NUP107: variants seen among roughly 807,000 people sequenced by gnomAD.
NUP107 encodes the protein nucleoporin 107.
Under a neutral mutation model 141.0 loss-of-function variants are expected in NUP107, and 101 were observed. The ratio of observed to expected loss-of-function variants is 0.72; its 90% CI spans 0.61 to 0.84. The LOEUF (loss-of-function observed/expected upper bound fraction) is 0.84. NUP107 is among the 40% of genes least tolerant of loss of function. NUP107 has a pLI of 0.00. For missense variants in NUP107, 941 were observed against 1,102.7 expected (o/e 0.85, Z 2.08); for synonymous variants, 319 against 363.9 (o/e 0.88, Z 1.41).
rs1878499351 is a variant in NUP107, at chr12:68,745,663, T to A, written c.*3201T>A. 6.6e-6 allele frequency: 1 copy of A among 152,242 alleles called. No homozygotes were observed. The highest frequency in any genetic ancestry group is 1.5e-5 in the Non-Finnish European group (1 of 68,040). The allele number at this position is 152,242 out of a possible 1,614,324, so 9.4% of individuals were successfully genotyped here. ...GTTTACATTGTCAAGGGGACATCTT[T>A]AGAGAACACATTTTCTCACTGTTGA... is the stretch of plus-strand genomic sequence containing the variant. On this transcript the variant is annotated 3_prime_UTR_variant, in exon 28 of 28. Transcript: ENST00000229179.
intron 20 of NUP107, 87 bp downstream of exon 20, chr12:68,727,476 G>A: frequency 1.4e-6 from 1 of 712,348 alleles, no homozygotes; most frequent in Non-Finnish European, 2.4e-6. Flanking sequence ...ATTCTCAGTG[G>A]TAAGAAAGCA....
intron 8 of NUP107, 23 bp downstream of exon 8, chr12:68,702,807 C>A: frequency 3.0e-6 from 4 of 1,331,452 alleles, no homozygotes; most frequent in Non-Finnish European, 4.1e-6. Context: ...TTAATTTTTT[C>A]TTTTATAAAT....
intron 4 of NUP107, 63 bp downstream of exon 4, chr12:68,690,809 T>C: frequency 6.6e-7 from 1 of 1,525,834 alleles, no homozygotes; most frequent in East Asian, 2.3e-5. Context: ...ACATCTGTAA[T>C]CTCAGCACTC....
At position 68,743,487 on chromosome 12, in the gene NUP107, G is replaced by A. The variant is rs1878403679; in HGVS notation, c.*1025G>A. 1 of 152,186 alleles carries A rather than the reference G, an allele frequency of 6.6e-6. No individual in the cohort carries two copies. Among genetic ancestry groups the A allele is most frequent in the African/African-American group, 2.4e-5 (1 of 41,422 alleles). 9.4% of individuals were successfully genotyped at this position (152,186 alleles called of 1,614,324 possible). Reference sequence around the variant, plus strand: ...CTCTCAGGAAGTAGTATTGGTTTGGGGTTTGAGTAATGCACTGAATTTGCA... The same window carrying A: ...CTCTCAGGAAGTAGTATTGGTTTGGAGTTTGAGTAATGCACTGAATTTGCA... On this transcript the variant is annotated 3_prime_UTR_variant, in exon 28 of 28. Coordinates refer to ENST00000229179, the MANE Select transcript of NUP107 (RefSeq NM_020401.4).
rs529104689 is a variant in NUP107 at position 68,698,007 on chromosome 12, G to C, written c.552+1085G>C. Among the ~76,000 whole-genome samples the C allele has an allele frequency of 1.5e-4, 23 of 148,858 alleles. No individual in the cohort carries two copies. In the South Asian group the frequency reaches 4.9e-3, roughly 31 times the overall value. On this transcript the variant is annotated intron_variant, in intron 6 of 27. Coordinates refer to ENST00000229179, the MANE Select transcript of NUP107 (RefSeq NM_020401.4). ...TGAGCCACTGCACTCCAGCCCGGGC[G>C]ATAGAGTGAGACTCCATCTCAAAAA...
At chr12:68,700,103 C>G (rs1235115635) in intron 6 of NUP107, among the ~76,000 whole-genome samples, 1 of 151,968 alleles carries the variant, frequency 6.6e-6, no homozygotes, top group Non-Finnish European at 1.5e-5. Context: ...GGGGTTTCAC[C>G]ATGTTGGCCA....
intron 6 of NUP107, among the ~76,000 whole-genome samples, chr12:68,699,423 G>A (rs769522059): frequency 6.6e-6 from 1 of 152,118 alleles, no homozygotes; most frequent in Non-Finnish European, 1.5e-5. Context: ...TTTTTAGAAA[G>A]AGGAAAAGAC....
intron 3 of NUP107, chr12:68,690,348 T>A (rs1875724408): frequency 4.6e-6 from 2 of 436,730 alleles, no homozygotes; most frequent in East Asian, 9.0e-5. Flanking sequence ...GAAGAATCCG[T>A]TGACTGATTA....
intron 26 of NUP107, among the ~76,000 whole-genome samples, chr12:68,741,560 T>C (rs545624591): frequency 1.3e-5 from 2 of 152,312 alleles, no homozygotes; most frequent in African/African-American, 4.8e-5. Context: ...TCTAATGATA[T>C]TCAGTTTCCA....
intron 4 of NUP107, 41 bp from the exon 5 acceptor site, chr12:68,691,927 C>T (rs1301747143): frequency 1.3e-6 from 2 of 1,517,578 alleles, no homozygotes; most frequent in African/African-American, 1.4e-5. Context: ...ACAATAACTC[C>T]ATCACTTTTC....
intron 11 of NUP107, among the ~76,000 whole-genome samples, chr12:68,715,310 G>A (rs1213712384): frequency 6.6e-6 from 1 of 152,068 alleles, no homozygotes; most frequent in Non-Finnish European, 1.5e-5. Context: ...TCTGGTCAAC[G>A]TGGTGAAACC....
At chr12:68,713,888 C>A in intron 11 of NUP107, 80 bp downstream of exon 11, 3 of 1,078,372 alleles carry the variant, frequency 2.8e-6, no homozygotes, top group Non-Finnish European at 4.2e-6. Flanking sequence ...TCTCGTGGAT[C>A]TTTGTTTTGC....
rs1835406003 is a variant in NUP107 at position 68,734,139 on chromosome 12, TG to T, written c.2262+529del. On this transcript the variant is annotated intron_variant, in intron 24 of 27. Coordinates refer to ENST00000229179, the MANE Select transcript of NUP107 (RefSeq NM_020401.4). ...AAAATAAAACAAAATTAGCCAGGCA[TG>T]GTAGCATGTACTTGTAGTCCCAGCT... 2.6e-5 allele frequency among the ~76,000 whole-genome samples: 4 copies of T among 152,208 alleles called. No homozygotes were observed. In the South Asian group the frequency reaches 8.3e-4, roughly 32 times the overall value.
intron 5 of NUP107, among the ~76,000 whole-genome samples, chr12:68,693,121 A>G (rs1875896981): frequency 6.6e-6 from 1 of 150,496 alleles, no homozygotes. Context: ...TCTGTTGCCC[A>G]GACTGGAGTG....
Position 68,743,447 on chromosome 12 carries a change from C to T in NUP107, c.*985C>T, listed in dbSNP as rs61927833. 0.29 allele frequency: 43,686 copies of T among 152,124 alleles called. 6,728 individuals carry two copies. Among genetic ancestry groups the T allele is most frequent in the Non-Finnish European group, 0.34 (23,374 of 67,994 alleles). The allele number at this position is 152,124 out of a possible 1,614,324, so 9.4% of individuals were successfully genotyped here. On this transcript the variant is annotated 3_prime_UTR_variant, in exon 28 of 28. Coordinates refer to ENST00000229179, the MANE Select transcript of NUP107 (RefSeq NM_020401.4). ...AGTAGTCTGAGCAGGAAGAACCTCTCTCCAGCTGAAAAGACTCTCAGGAAG... is the reference window on the plus strand; with the variant it reads ...AGTAGTCTGAGCAGGAAGAACCTCTTTCCAGCTGAAAAGACTCTCAGGAAG...
chr12:68,711,436 A>G (rs1876852787), intron 10 of NUP107, among the ~76,000 whole-genome samples: 1 of 150,918 alleles, frequency 6.6e-6, no homozygotes, highest in African/African-American at 2.4e-5. Context: ...GTATTTAAAT[A>G]CTGATATGAC....
At chr12:68,692,224 CTT>C (rs1875834259) in intron 5 of NUP107, 112 bp downstream of exon 5, 1 of 1,153,896 alleles carries the variant, frequency 8.7e-7, no homozygotes, top group Admixed American at 2.7e-5. Context: ...TTCTTTCTGT[CTT>C]TTTTTCTTGA....
Position 68,745,624 on chromosome 12 carries a change from A to G in NUP107, c.*3162A>G, listed in dbSNP as rs528075577. On this transcript the variant is annotated 3_prime_UTR_variant, in exon 28 of 28. Transcript: ENST00000229179. ...CGTTTTTTTCTCGAGTTGTAAGTGA[A>G]CACAGTAGCACTCGTTTACATTGTC... The G allele has an allele frequency of 2.0e-5, 3 of 152,318 alleles. No individual in the cohort carries two copies. The highest frequency in any genetic ancestry group is 7.2e-5 in the African/African-American group (3 of 41,556). The allele number at this position is 152,318 out of a possible 1,614,324, so 9.4% of individuals were successfully genotyped here.
chr12:68,732,600 G>C, intron 22 of NUP107, 37 bp from the exon 23 acceptor site: 1 of 1,317,580 alleles, frequency 7.6e-7, no homozygotes, highest in Non-Finnish European at 1.1e-6. Context: ...AAAAAACTCT[G>C]ATATTCCTTT....
Sources: allele counts gnomAD v4.1 joint callset (sites outside exome capture counted in the v4.1 genomes callset), GRCh38; gene constraint gnomAD v4.1.1; transcripts MANE v1.5; gene names NCBI Gene and HGNC (gene_info 2026-07-23, HGNC 2026-07-21).